HPD: variants seen among roughly 807,000 people sequenced by gnomAD.
HPD encodes 4-hydroxyphenylpyruvate dioxygenase, also known as 4-hydroxyphenylpyruvic acid oxidase.
In HPD, 35 loss-of-function variants were observed where a neutral mutation model predicts 56.9. The ratio of observed to expected loss-of-function variants is 0.62; its 90% CI spans 0.47 to 0.82. HPD has a LOEUF of 0.82. Ranked by LOEUF, HPD falls within the 40% of genes least tolerant of loss-of-function variation. The pLI, the probability that HPD is intolerant of heterozygous loss-of-function variation, is 0.00. For synonymous variants in HPD, 186 were observed against 200.2 expected, an observed-to-expected ratio of 0.93 and a Z score of 0.60; for missense variants, 442 against 506.8, an observed-to-expected ratio of 0.87 and a Z score of 1.23.
At chr12:121,884,240 C>T in the HPD span, among the ~76,000 whole-genome samples, 3 of 150,854 alleles carry the variant, frequency 2.0e-5, no homozygotes, top group East Asian at 3.9e-4. Flanking sequence ...GCATGATCGC[C>T]GCTCACTGCA....
chr12:121,850,692 CTTTTTTTTTTTT>C (rs1206546215), intron 7 of HPD, among the ~76,000 whole-genome samples: 4 of 91,608 alleles, frequency 4.4e-5, no homozygotes, highest in African/African-American at 1.7e-4. Context: ...TGTACCTAGC[CTTTTTTTTTTTT>C]TTTTTTTTTG....
At chr12:121,861,547 G>A (rs1321471747), upstream of HPD, among the ~76,000 whole-genome samples, 3 of 151,854 alleles carry the variant, frequency 2.0e-5, no homozygotes, top group African/African-American at 2.4e-5. Context: ...AATGGAACAA[G>A]TCTCAGTTAC....
At chr12:121,880,593 G>C in the HPD span, among the ~76,000 whole-genome samples, 2 of 152,124 alleles carry the variant, frequency 1.3e-5, no homozygotes, top group Non-Finnish European at 2.9e-5. Flanking sequence ...TGAATGTAGA[G>C]TTTAATGCTC....
upstream of HPD, among the ~76,000 whole-genome samples, chr12:121,863,305 A>T (rs1475346220): frequency 6.6e-6 from 1 of 152,106 alleles, no homozygotes; most frequent in Non-Finnish European, 1.5e-5. Flanking sequence ...TCTGGTGCTG[A>T]TTCCTTCCTA....
chr12:121,869,431 AG>A, the HPD span, among the ~76,000 whole-genome samples: 29 of 151,690 alleles, frequency 1.9e-4, no homozygotes, highest in African/African-American at 7.0e-4. Context: ...TCCTGGGCTC[AG>A]GGGGTCCTCC....
At chr12:121,877,042 C>T in the HPD span, among the ~76,000 whole-genome samples, 1 of 144,236 alleles carries the variant, frequency 6.9e-6, no homozygotes, top group African/African-American at 2.6e-5. Context: ...TGCAGTGAGC[C>T]AAGATTGCGT....
In HPD at chr12:121,847,063, A is replaced by G; in HGVS notation, c.748T>C (p.Ser250Pro). ...INEPAPGKKK[S>P]QIQEYVDYNG... ...AGGGGCGGCCTCACCTGGATCTGGG[A>G]CTTCTTCTTGCCAGGCGCTGGCTCA... Residue 250 changes from serine (S) to proline (P), a missense_variant, in exon 10 of 14, where the codon TCC becomes CCC. Coordinates refer to ENST00000289004, the MANE Select transcript of HPD (RefSeq NM_002150.3). 1 of 1,613,926 alleles carries G rather than the reference A, an allele frequency of 6.2e-7. No homozygotes were observed. Among genetic ancestry groups the G allele is most frequent in the Non-Finnish European group, 8.5e-7 (1 of 1,179,992 alleles).
At chr12:121,850,692 CTTT>C (rs1206546215) in intron 7 of HPD, among the ~76,000 whole-genome samples, 86 of 91,642 alleles carry the variant, frequency 9.4e-4, no homozygotes, top group African/African-American at 3.0e-3. Context: ...TGTACCTAGC[CTTT>C]TTTTTTTTTT....
rs1166202191 is a variant in HPD, at chr12:121,848,916, T to C, written c.596+83A>G. 4 of 1,012,602 alleles carry C rather than the reference T, an allele frequency of 4.0e-6. No homozygotes were observed. The Admixed American group carries it at 5.1e-5, about 13-fold the overall frequency. 62.7% of individuals were successfully genotyped at this position (1,012,602 alleles called of 1,614,324 possible). A position where few individuals can be genotyped will look rare whatever the true frequency, so the allele number is the denominator to read the frequency against. ...CCACTGCACCCAGTCGTATTTTCCA[T>C]GTTAGTGCAAGGACCAGGGAGTGGG... On this transcript the variant is annotated intron_variant, in intron 9 of 13. Coordinates refer to ENST00000289004, the MANE Select transcript of HPD (RefSeq NM_002150.3).
intron 12 of HPD, among the ~76,000 whole-genome samples, chr12:121,841,810 C>T (rs1480332703): frequency 1.3e-5 from 2 of 151,992 alleles, no homozygotes; most frequent in African/African-American, 2.4e-5. Flanking sequence ...TCAGGCTCCC[C>T]AGTAGCTGGG....
intron 4 of HPD, 136 bp from the exon 5 acceptor site, chr12:121,856,761 C>T (rs1878017243): frequency 1.2e-6 from 1 of 804,274 alleles, no homozygotes; most frequent in South Asian, 1.5e-5. Context: ...CTAGCTCCTT[C>T]TCTGCCTTAG....
rs758828061 is a variant in HPD, at chr12:121,849,081, G to A, written c.519-5C>T. On this transcript the variant is annotated splice_region_variant and splice_polypyrimidine_tract_variant and intron_variant, in intron 8 of 13. Coordinates refer to ENST00000289004, the MANE Select transcript of HPD (RefSeq NM_002150.3). ...ATCTCCAGACTGCATTTGGGCCTGG[G>A]AAGGGAAGAAGATGGGGGTGAGAAG... 3 of 1,610,844 alleles carry A rather than the reference G, an allele frequency of 1.9e-6. No homozygotes were observed. The Admixed American group carries it at 5.0e-5, about 27-fold the overall frequency.
chr12:121,881,580 C>T, the HPD span, among the ~76,000 whole-genome samples: 1 of 152,018 alleles, frequency 6.6e-6, no homozygotes, highest in Non-Finnish European at 1.5e-5. Flanking sequence ...GGGTAAGAGA[C>T]CCCATGCTCA....
intron 7 of HPD, among the ~76,000 whole-genome samples, chr12:121,853,953 A>AT (rs1458243842): frequency 2.0e-5 from 3 of 146,378 alleles, no homozygotes; most frequent in Non-Finnish European, 4.5e-5. Context: ...AAAAAGAATA[A>AT]AAAAAAAAGA....
At chr12:121,846,373 C>T (rs758995288) in intron 11 of HPD, among the ~76,000 whole-genome samples, 10 of 152,120 alleles carry the variant, frequency 6.6e-5, no homozygotes, top group Non-Finnish European at 1.0e-4. Context: ...CCCGCAACCA[C>T]GCCCAGATAA....
chr12:121,858,168 G>T (rs1471681223), intron 2 of HPD, among the ~76,000 whole-genome samples: 1 of 152,070 alleles, frequency 6.6e-6, no homozygotes. Flanking sequence ...TTTTGTTTTG[G>T]TTTTTGTTTC....
the HPD span, among the ~76,000 whole-genome samples, chr12:121,887,304 G>C: frequency 6.0e-5 from 9 of 150,278 alleles, no homozygotes; most frequent in African/African-American, 2.2e-4. Context: ...CTCCTGCCTT[G>C]ATCTCCCAGC....
rs934000800 is a variant in HPD at position 121,858,668 on chromosome 12, C to T, written c.30+19G>A. 11 of 1,613,448 alleles carry T rather than the reference C, an allele frequency of 6.8e-6. No homozygotes were observed. The African/African-American group carries it at 1.1e-4, about 16-fold the overall frequency. Reference sequence around the variant, plus strand: ...TTCTAGACTCAGGCCCCTACATTTCCCACATTTCGCCTGCTTACCTTTGCC... The same window carrying T: ...TTCTAGACTCAGGCCCCTACATTTCTCACATTTCGCCTGCTTACCTTTGCC... On this transcript the variant is annotated intron_variant, in intron 2 of 13. Transcript: ENST00000289004.
chr12:121,884,161 CT>C, the HPD span, among the ~76,000 whole-genome samples: 1 of 133,460 alleles, frequency 7.5e-6, no homozygotes, highest in Non-Finnish European at 1.5e-5. Flanking sequence ...CATCGTTTCT[CT>C]TTTCCTCTCT....
Sources: gnomAD v4.1 joint callset for allele counts (sites outside exome capture counted in the v4.1 genomes callset) on GRCh38, gnomAD v4.1.1 for gene constraint, MANE v1.5 for transcripts, NCBI Gene and HGNC (gene_info 2026-07-23, HGNC 2026-07-21) for gene names.